Variants in PLAGL2 observed in about 807,000 individuals in gnomAD.
PLAGL2 encodes the protein zinc finger protein PLAGL2.
PLAGL2 carries 7 observed loss-of-function variants against 29.0 expected under a neutral mutation model. That is an observed-to-expected ratio of 0.24 (90% CI 0.14 to 0.45). The LOEUF (loss-of-function observed/expected upper bound fraction) is 0.45. Ranked by LOEUF, PLAGL2 falls within the 20% of genes least tolerant of loss-of-function variation. The pLI, the probability that PLAGL2 is intolerant of heterozygous loss-of-function variation, is 0.99. For synonymous variants in PLAGL2, 234 were observed against 266.0 expected (o/e 0.88, Z 1.17); for missense variants, 454 against 648.2 (o/e 0.70, Z 3.25).
rs1357994427 is a variant in PLAGL2 at position 32,197,044 on chromosome 20, G to A, written c.899C>T (p.Ala300Val). 1.2e-6 allele frequency: 2 copies of A among 1,614,040 alleles called. No individual in the cohort carries two copies. Among genetic ancestry groups the A allele is most frequent in the African/African-American group, 1.3e-5 (1 of 74,934 alleles). ...CGTGCTGGGCATGGTAGGGATGTGG[G>A]CACCATACATGCCCATGGGCAACAT... The part of the protein sequence containing the change: ...PGMLPMGMYG[A>V]HIPTMPSTGV... Residue 300 changes from alanine (A) to valine (V), a missense_variant, in exon 3 of 3, where the codon GCC becomes GTC. Around this residue, in one of 4 missense-constraint regions of PLAGL2, gnomAD observed 247 missense variants for 350.3 expected, o/e 0.71. Transcript: ENST00000246229. The surrounding 1 kb of genome is among the most constrained non-coding windows in gnomAD (Gnocchi z 6.6).
chr20:32,196,522 G>C lies in PLAGL2; in HGVS notation c.1421C>G (p.Ser474Cys), dbSNP rs1219909746. 2 of 1,526,012 alleles carry C rather than the reference G, an allele frequency of 1.3e-6. No individual in the cohort carries two copies. Among genetic ancestry groups the C allele is most frequent in the Admixed American group, 4.5e-5 (2 of 44,478 alleles). The allele number at this position is 1,526,012 out of a possible 1,614,324, so 94.5% of individuals were successfully genotyped here. Residue 474 changes from serine (S) to cysteine (C), a missense_variant, in exon 3 of 3, where the codon TCC becomes TGC. By Grantham distance (112) the Ser-to-Cys change is moderately radical. Coordinates refer to ENST00000246229, the MANE Select transcript of PLAGL2 (RefSeq NM_002657.3). ...GGPLNFGPLHSLPPVFTSGLS... is the reference protein window; with the variant it reads ...GGPLNFGPLHCLPPVFTSGLS... Reference sequence around the variant, plus strand: ...GCCAGACGTGAAGACAGGAGGCAAGGAGTGCAGAGGCCCAAAGTTCAGTGG... The same window carrying C: ...GCCAGACGTGAAGACAGGAGGCAAGCAGTGCAGAGGCCCAAAGTTCAGTGG...
chr20:32,202,874 A>G (rs753780118), intron 1 of PLAGL2, among the ~76,000 whole-genome samples: 16 of 152,336 alleles, frequency 1.1e-4, no homozygotes, highest in Middle Eastern at 3.4e-3. Flanking sequence ...GTGCATCAAC[A>G]TCAGGAGGGT....
intron 1 of PLAGL2, among the ~76,000 whole-genome samples, chr20:32,204,467 T>C (rs1437992274): frequency 6.6e-6 from 1 of 152,206 alleles, no homozygotes; most frequent in Non-Finnish European, 1.5e-5. Context: ...CTTGTACTGA[T>C]AGAACCAAAG....
At chr20:32,200,555 A>G (rs140078867) in intron 2 of PLAGL2, among the ~76,000 whole-genome samples, 129 of 151,598 alleles carry the variant, frequency 8.5e-4, no homozygotes, top group African/African-American at 2.9e-3. Context: ...GGGCAAGTTC[A>G]TGGTTCCTCT....
chr20:32,203,034 T>G (rs2047267492), intron 1 of PLAGL2, among the ~76,000 whole-genome samples: 3 of 151,900 alleles, frequency 2.0e-5, no homozygotes, highest in Admixed American at 2.0e-4. Context: ...CACCCCTAGG[T>G]GCTGAGAGGC....
rs1341455609 is a variant in PLAGL2 at position 32,193,436 on chromosome 20, C to G, written c.*3016G>C. 6.6e-6 allele frequency: 1 copy of G among 152,184 alleles called. No individual in the cohort carries two copies. The highest frequency in any genetic ancestry group is 1.5e-5 in the Non-Finnish European group (1 of 68,048). 9.4% of individuals were successfully genotyped at this position (152,184 alleles called of 1,614,324 possible). A position where few individuals can be genotyped will look rare whatever the true frequency, so the allele number is the denominator to read the frequency against. ...AGGGAACCTCATTGGCGCTCCTTTCCCTGCCTCCCACCTCAAGATGATGCA... is the reference window on the plus strand; with the variant it reads ...AGGGAACCTCATTGGCGCTCCTTTCGCTGCCTCCCACCTCAAGATGATGCA... On this transcript the variant is annotated 3_prime_UTR_variant, in exon 3 of 3. Transcript: ENST00000246229.
chr20:32,197,196 G>C lies in PLAGL2; in HGVS notation c.747C>G (p.Ile249Met). The change falls in exon 3 of 3, where the codon ATC becomes ATG. Residue 249 changes from isoleucine (I) to methionine (M), a missense_variant. Coordinates refer to ENST00000246229, the MANE Select transcript of PLAGL2 (RefSeq NM_002657.3). The surrounding 1 kb of genome is among the most constrained non-coding windows in gnomAD (Gnocchi z 6.6). ...CTAACATGTCCACGGGCTCTGTCTT[G>C]ATCTTGAGCAGCTCCTGCGAGTGGC... The part of the protein sequence containing the change: ...KKSHSQELLK[I>M]KTEPVDMLGL... The C allele has an allele frequency of 6.2e-7, 1 of 1,614,218 alleles. No individual in the cohort carries two copies. Among genetic ancestry groups the C allele is most frequent in the South Asian group, 1.1e-5 (1 of 91,086 alleles).
Position 32,197,679 on chromosome 20 carries a change from G to A in PLAGL2, c.264C>T (p.His88=). The change falls in exon 3 of 3, where the codon CAC becomes CAT. Residue 88 remains histidine (H), a synonymous_variant. Transcript: ENST00000246229. This position sits in a 1 kb window ranked among gnomAD's most constrained non-coding sequence, Gnocchi z 6.6. ...AFASKYKLYR[H]MATHSAQKPH... Reference sequence around the variant, plus strand: ...GTTTCTGGGCTGAGTGGGTGGCCATGTGCCTGGGGGTAGAGACAGGGGATA... The same window carrying A: ...GTTTCTGGGCTGAGTGGGTGGCCATATGCCTGGGGGTAGAGACAGGGGATA... The A allele has an allele frequency of 6.2e-7, 1 of 1,612,802 alleles. No homozygotes were observed. The highest frequency in any genetic ancestry group is 1.1e-5 in the South Asian group (1 of 91,020).
chr20:32,202,151 G>A lies in PLAGL2; in HGVS notation c.28C>T (p.Pro10Ser). 7 of 1,614,176 alleles carry A rather than the reference G, an allele frequency of 4.3e-6. No homozygotes were observed. The highest frequency in any genetic ancestry group is 5.9e-6 in the Non-Finnish European group (7 of 1,180,046). The change falls in exon 2 of 3, where the codon CCC (proline) becomes TCC (serine). Residue 10 changes from proline to serine, a missense_variant. Coordinates refer to ENST00000246229, the MANE Select transcript of PLAGL2 (RefSeq NM_002657.3). MTTFFTSVPPWIQDAKQEEE... is the reference protein window; with the variant it reads MTTFFTSVPSWIQDAKQEEE... ...TCCTGCTTTGCATCTTGAATCCAGG[G>A]GGGGACGCTGGTGAAAAATGTGGTC...
intron 1 of PLAGL2, among the ~76,000 whole-genome samples, chr20:32,205,235 C>T (rs971622285): frequency 6.6e-6 from 1 of 152,134 alleles, no homozygotes; most frequent in African/African-American, 2.4e-5. Context: ...CTGAATAGTA[C>T]TTCTTTTTTT....
chr20:32,207,276 T>C (rs1488258812), intron 1 of PLAGL2, among the ~76,000 whole-genome samples: 1 of 152,046 alleles, frequency 6.6e-6, no homozygotes, highest in African/African-American at 2.4e-5. Context: ...GTGCAGCTTA[T>C]CTGCGTCCCC....
chr20:32,207,166 T>C (rs575283816), intron 1 of PLAGL2, among the ~76,000 whole-genome samples: 4 of 152,084 alleles, frequency 2.6e-5, no homozygotes, highest in Non-Finnish European at 5.9e-5. Flanking sequence ...CAAAGGGAGT[T>C]ATGTAAGTCT....
In PLAGL2 at chr20:32,197,703, TA is replaced by T. The variant is rs767003872; in HGVS notation, c.261-22del. Reference sequence around the variant, plus strand: ...TGTGCCTGGGGGTAGAGACAGGGGATAGGGGAGAAAGCAGAAAGAGGGGAGA... The same window carrying T: ...TGTGCCTGGGGGTAGAGACAGGGGATGGGGAGAAAGCAGAAAGAGGGGAGA... On this transcript the variant is annotated intron_variant, in intron 2 of 2. Transcript: ENST00000246229. This position sits in a 1 kb window ranked among gnomAD's most constrained non-coding sequence, Gnocchi z 6.6. 1.6e-5 allele frequency: 26 copies of T among 1,603,504 alleles called. No homozygotes were observed. The highest frequency in any genetic ancestry group is 2.0e-5 in the Non-Finnish European group (24 of 1,172,614).
chr20:32,194,609 T>C lies in PLAGL2; in HGVS notation c.*1843A>G, dbSNP rs543683353. On this transcript the variant is annotated 3_prime_UTR_variant, in exon 3 of 3. Transcript: ENST00000246229. ...TCAAACAAGGAGTACTGGCTTAGGC[T>C]GAAGCAGAAAGCTGAGTCCTGGACC... is the stretch of plus-strand genomic sequence containing the variant. The C allele has an allele frequency of 6.5e-6, 1 of 152,774 alleles. No individual in the cohort carries two copies. Among genetic ancestry groups the C allele is most frequent in the East Asian group, 1.9e-4 (1 of 5,184 alleles). 9.5% of individuals were successfully genotyped at this position (152,774 alleles called of 1,614,324 possible).
At chr20:32,205,618 C>A (rs2047282490) in intron 1 of PLAGL2, among the ~76,000 whole-genome samples, 1 of 152,180 alleles carries the variant, frequency 6.6e-6, no homozygotes, top group Admixed American at 6.5e-5. Context: ...GGTGTTACAT[C>A]ATCTCTATAG....
At chr20:32,207,224 G>C (rs372188284) in intron 1 of PLAGL2, among the ~76,000 whole-genome samples, 4 of 152,252 alleles carry the variant, frequency 2.6e-5, no homozygotes, top group African/African-American at 7.2e-5. Flanking sequence ...CAGGAAAGGG[G>C]GTTATGTGGG....
rs1259856617 is a variant in PLAGL2, at chr20:32,194,198, T to C, written c.*2254A>G. On this transcript the variant is annotated 3_prime_UTR_variant, in exon 3 of 3. Transcript: ENST00000246229. The stretch of plus-strand genomic sequence containing the variant: ...CCCAGTGGCCTCTGTAAACTGAGAG[T>C]GTAGGGAAGGTGGCAGTTAAGGTGA... 1 of 152,002 alleles carries C rather than the reference T, an allele frequency of 6.6e-6. No homozygotes were observed. Among genetic ancestry groups the C allele is most frequent in the Non-Finnish European group, 1.5e-5 (1 of 68,030 alleles). 9.4% of individuals were successfully genotyped at this position (152,002 alleles called of 1,614,324 possible).
intron 1 of PLAGL2, among the ~76,000 whole-genome samples, chr20:32,206,257 C>G (rs984016401): frequency 1.3e-5 from 2 of 152,268 alleles, no homozygotes; most frequent in East Asian, 1.9e-4. Flanking sequence ...CGCCCCCTTC[C>G]CCCCCGCCCA....
intron 2 of PLAGL2, among the ~76,000 whole-genome samples, chr20:32,200,651 C>T (rs1185337043): frequency 6.6e-6 from 1 of 152,070 alleles, no homozygotes; most frequent in Admixed American, 6.5e-5. Flanking sequence ...AGTACAGTGG[C>T]ACAATCTCAG....
Sources: gnomAD v4.1 joint callset for allele counts (sites outside exome capture counted in the v4.1 genomes callset) on GRCh38, gnomAD v4.1.1 for gene constraint, gnomAD v4.1.1 regional missense constraint, Gnocchi (gnomAD v3.1) non-coding constraint, MANE v1.5 for transcripts, NCBI Gene and HGNC (gene_info 2026-07-23, HGNC 2026-07-21) for gene names.